Variants in MEF2A observed in about 807,000 individuals in gnomAD.
MEF2A encodes myocyte-specific enhancer factor 2A.
Under a neutral mutation model 55.8 loss-of-function variants are expected in MEF2A, and 28 were observed. The ratio of observed to expected loss-of-function variants is 0.50; its 90% CI spans 0.37 to 0.69. The LOEUF is 0.69. Ranked by LOEUF, MEF2A falls within the 30% of genes least tolerant of loss-of-function variation. The probability of loss-of-function intolerance (pLI) is 0.00; values close to 1 mark genes in which losing one functional copy is unlikely to be tolerated. For missense variants in MEF2A, 528 were observed against 626.2 expected (o/e 0.84, Z 1.67); for synonymous variants, 239 against 227.1 (o/e 1.05, Z -0.47).
chr15:99,710,816 T>C (rs1329050325), intron 11 of MEF2A, 56 bp downstream of exon 11: 2 of 1,551,760 alleles, frequency 1.3e-6, no homozygotes, highest in African/African-American at 1.4e-5. Flanking sequence ...CACTCTCTTT[T>C]CCTATCAGTG....
intron 1 of MEF2A, among the ~76,000 whole-genome samples, chr15:99,585,708 A>G (rs1412962517): frequency 1.3e-5 from 2 of 151,642 alleles, no homozygotes; most frequent in Non-Finnish European, 3.0e-5. Context: ...TGCTTACTTA[A>G]TTCTCACAAC....
At chr15:99,587,465 A>T (rs923337572) in intron 1 of MEF2A, among the ~76,000 whole-genome samples, 1 of 152,022 alleles carries the variant, frequency 6.6e-6, no homozygotes, top group Non-Finnish European at 1.5e-5. Context: ...TTTTTTGTCA[A>T]TCTTTACAAA....
intron 1 of MEF2A, among the ~76,000 whole-genome samples, chr15:99,586,365 A>C (rs1392521373): frequency 6.6e-6 from 1 of 152,114 alleles, no homozygotes; most frequent in Non-Finnish European, 1.5e-5. Context: ...TTTTAAGTTG[A>C]GACATTTTAG....
chr15:99,708,117 C>T (rs1012307865), intron 10 of MEF2A, among the ~76,000 whole-genome samples: 2 of 152,320 alleles, frequency 1.3e-5, no homozygotes, highest in Admixed American at 1.3e-4. Context: ...CATAGAAATT[C>T]TGTTTCGACG....
At chr15:99,675,537 C>A (rs1470773131) in intron 7 of MEF2A, 79 bp downstream of exon 7, 2 of 1,281,102 alleles carry the variant, frequency 1.6e-6, no homozygotes, top group Non-Finnish European at 2.2e-6. Flanking sequence ...TGAAATAAAG[C>A]TTTCTGGGAA....
At chr15:99,588,180 C>T (rs756059711) in intron 1 of MEF2A, among the ~76,000 whole-genome samples, 3 of 151,934 alleles carry the variant, frequency 2.0e-5, no homozygotes, top group Admixed American at 6.5e-5. Context: ...ACAGTGGCAC[C>T]GTCATGGCTC....
intron 4 of MEF2A, among the ~76,000 whole-genome samples, chr15:99,650,674 A>T (rs909513018): frequency 6.6e-6 from 1 of 152,238 alleles, no homozygotes; most frequent in Admixed American, 6.5e-5. Context: ...GAAAGAAAGG[A>T]AGATAGGGAA....
chr15:99,654,019 C>T (rs756230343), intron 4 of MEF2A, among the ~76,000 whole-genome samples: 16 of 151,884 alleles, frequency 1.1e-4, no homozygotes, highest in Middle Eastern at 3.4e-3. Context: ...GCTTTTTTTG[C>T]GCCACCCACG....
At position 99,665,612 on chromosome 15, in the gene MEF2A, C is replaced by A. The variant is rs1333734346; in HGVS notation, c.259-5711C>A. Among the ~76,000 whole-genome samples, 3 of 149,808 alleles carry A rather than the reference C, an allele frequency of 2.0e-5. No homozygotes were observed. In the Admixed American group the frequency reaches 2.0e-4, roughly 10 times the overall value. On this transcript the variant is annotated intron_variant, in intron 4 of 11. Transcript: ENST00000557942. Reference sequence around the variant, plus strand: ...CTGATTAAACTAAAGAGCTTCTGCACAGCAAAAGAAACTTTATCATCAGAA... The same window carrying A: ...CTGATTAAACTAAAGAGCTTCTGCAAAGCAAAAGAAACTTTATCATCAGAA...
intron 1 of MEF2A, among the ~76,000 whole-genome samples, chr15:99,569,754 T>C (rs2570925): frequency 0.046 from 7,078 of 152,222 alleles, 555 homozygotes; most frequent in African/African-American, 0.16. Flanking sequence ...GAAAAGTTTT[T>C]AAATATTTTA....
chr15:99,694,428 T>G (rs1453785563), intron 8 of MEF2A, among the ~76,000 whole-genome samples: 2 of 152,214 alleles, frequency 1.3e-5, no homozygotes, highest in African/African-American at 4.8e-5. Flanking sequence ...TACTAATAAG[T>G]AGAACATCCC....
chr15:99,663,902 G>A (rs1286497704), intron 4 of MEF2A, among the ~76,000 whole-genome samples: 1 of 152,090 alleles, frequency 6.6e-6, no homozygotes, highest in East Asian at 1.9e-4. Context: ...AAAATGAGAG[G>A]CAGATGTACA....
chr15:99,697,955 A>G (rs1226171371), intron 8 of MEF2A, among the ~76,000 whole-genome samples: 1 of 152,240 alleles, frequency 6.6e-6, no homozygotes, highest in Non-Finnish European at 1.5e-5. Context: ...TGGCAGAGGT[A>G]GTAAGGCAAT....
intron 3 of MEF2A, among the ~76,000 whole-genome samples, 154 bp from the exon 4 acceptor site, chr15:99,645,407 A>G (rs1250628554): frequency 2.0e-5 from 3 of 152,236 alleles, no homozygotes; most frequent in Non-Finnish European, 4.4e-5. Context: ...CTGTAGCACA[A>G]CAGGAGAGGG....
Position 99,615,971 on chromosome 15 carries a change from G to T in MEF2A, c.-142-17007G>T, listed in dbSNP as rs2040123819. The stretch of plus-strand genomic sequence containing the variant: ...TTTAGTGGAACTTGGATTCAAAATG[G>T]ACTCTTCTGTGTTATACTACTTAAA... On this transcript the variant is annotated intron_variant, in intron 2 of 11. Coordinates refer to ENST00000557942, the MANE Select transcript of MEF2A (RefSeq NM_001319206.4). Among the ~76,000 whole-genome samples, 3 of 152,200 alleles carry T rather than the reference G, an allele frequency of 2.0e-5. No homozygotes were observed. In the South Asian group the frequency reaches 6.2e-4, roughly 32 times the overall value.
At chr15:99,626,158 T>C (rs952394630) in intron 2 of MEF2A, among the ~76,000 whole-genome samples, 3 of 152,188 alleles carry the variant, frequency 2.0e-5, no homozygotes, top group African/African-American at 7.2e-5. Flanking sequence ...AGCTCTTTTT[T>C]GTTTCTTTGC....
intron 9 of MEF2A, 51 bp downstream of exon 9, chr15:99,703,436 T>C: frequency 6.4e-7 from 1 of 1,558,114 alleles, no homozygotes; most frequent in Admixed American, 1.9e-5. Context: ...TAGAAAGTAC[T>C]AATTCTCTTA....
intron 4 of MEF2A, among the ~76,000 whole-genome samples, chr15:99,647,151 T>G (rs1052751757): frequency 2.6e-5 from 4 of 152,204 alleles, no homozygotes; most frequent in African/African-American, 9.6e-5. Context: ...TTTATAATAC[T>G]GTATAGTAGA....
chr15:99,623,556 G>C (rs1302559381), intron 2 of MEF2A, among the ~76,000 whole-genome samples: 1 of 152,150 alleles, frequency 6.6e-6, no homozygotes, highest in Non-Finnish European at 1.5e-5. Context: ...ACCCATGCTA[G>C]TGCTTGCTGT....
Sources: allele counts gnomAD v4.1 joint callset (sites outside exome capture counted in the v4.1 genomes callset), GRCh38; gene constraint gnomAD v4.1.1; transcripts MANE v1.5; gene names NCBI Gene and HGNC (gene_info 2026-07-23, HGNC 2026-07-21).